The following MSRA variants were observed in gnomAD, a reference collection of about 807,000 sequenced individuals.
MSRA encodes the protein methionine sulfoxide reductase A, also known as mitochondrial peptide methionine sulfoxide reductase.
Under a neutral mutation model 31.3 loss-of-function variants are expected in MSRA, and 54 were observed. The ratio of observed to expected loss-of-function variants is 1.73; its 90% confidence interval spans 1.39 to 2.17. MSRA has a LOEUF of 2.17. Among genes scored for constraint, MSRA ranks in the 30% most tolerant of loss-of-function variants. The probability of loss-of-function intolerance (pLI) is 0.00; values close to 1 mark genes in which losing one functional copy is unlikely to be tolerated. For missense variants in MSRA, 507 were observed against 300.9 expected (o/e 1.69, Z -5.07); for synonymous variants, 169 against 116.5 (o/e 1.45, Z -2.90).
chr8:10,363,927 TAACAACAA>T (rs752408859), intron 5 of MSRA, among the ~76,000 whole-genome samples: 10 of 152,048 alleles, frequency 6.6e-5, no homozygotes, highest in African/African-American at 9.7e-5. Context: ...TAAGACCCTG[TAACAACAA>T]AACAACAAAA....
At chr8:10,183,949 G>T (rs1358381275) in intron 1 of MSRA, among the ~76,000 whole-genome samples, 3 of 144,612 alleles carry the variant, frequency 2.1e-5, no homozygotes, top group African/African-American at 7.8e-5. Context: ...GCTGCTGCTG[G>T]TGGTATTGGT....
In MSRA at chr8:10,074,058, C is replaced by CTTTTTTTTTTT. The variant is rs534642712; in HGVS notation, c.142+19430_142+19440dup. 1.9e-3 allele frequency among the ~76,000 whole-genome samples: 55 copies of CTTTTTTTTTTT among 29,450 alleles called. 6 individuals are homozygous for CTTTTTTTTTTT. Among genetic ancestry groups the CTTTTTTTTTTT allele is most frequent in the East Asian group, 5.1e-3 (3 of 588 alleles). The allele number at this position is 29,450 out of a possible 152,430, so 19.3% of individuals were successfully genotyped here. The stretch of plus-strand genomic sequence containing the variant: ...CATTTTGTTTTGTCTAAGGGAGGTG[C>CTTTTTTTTTTT]TTTTTTTTTTTTTTTTTTTTTTTTT... On this transcript the variant is annotated intron_variant, in intron 1 of 5. Coordinates refer to ENST00000317173, the MANE Select transcript of MSRA (RefSeq NM_012331.5).
intron 5 of MSRA, among the ~76,000 whole-genome samples, chr8:10,346,959 T>C (rs561412186): frequency 6.6e-6 from 1 of 152,316 alleles, no homozygotes; most frequent in African/African-American, 2.4e-5. Context: ...CTTCAGCCTC[T>C]CACCATTCCC....
chr8:10,094,707 G>C (rs1487051053), intron 1 of MSRA, among the ~76,000 whole-genome samples: 3 of 152,286 alleles, frequency 2.0e-5, no homozygotes, highest in Non-Finnish European at 4.4e-5. Flanking sequence ...TCTTAAACCA[G>C]GTAAGTGTGT....
Position 10,428,592 on chromosome 8 carries a change from T to G in MSRA, c.*280T>G. 1 of 385,586 alleles carries G rather than the reference T, an allele frequency of 2.6e-6. No individual in the cohort carries two copies. The highest frequency in any genetic ancestry group is 4.7e-6 in the Non-Finnish European group (1 of 212,490). The allele number at this position is 385,586 out of a possible 1,614,324, so 23.9% of individuals were successfully genotyped here. A position where few individuals can be genotyped will look rare whatever the true frequency, so the allele number is the denominator to read the frequency against. On this transcript the variant is annotated 3_prime_UTR_variant, in exon 6 of 6. Transcript: ENST00000317173. Reference sequence around the variant, plus strand: ...GCAGGGATGCTGTGTTCACCCTTCTTGGTAGAAGCTAAGGTGTGAGCTGGG... The same window carrying G: ...GCAGGGATGCTGTGTTCACCCTTCTGGGTAGAAGCTAAGGTGTGAGCTGGG...
At chr8:10,326,036 C>T (rs1243235589) in intron 5 of MSRA, among the ~76,000 whole-genome samples, 3 of 152,184 alleles carry the variant, frequency 2.0e-5, no homozygotes, top group Non-Finnish European at 4.4e-5. Context: ...CACTGCTTTC[C>T]TCTTCAGAAG....
intron 2 of MSRA, among the ~76,000 whole-genome samples, chr8:10,211,585 CCCCT>C (rs1809499655): frequency 6.6e-6 from 1 of 152,096 alleles, no homozygotes; most frequent in Non-Finnish European, 1.5e-5. Context: ...CTGTGAGTGC[CCCCT>C]TGGCTCTCAC....
intron 5 of MSRA, among the ~76,000 whole-genome samples, chr8:10,384,661 G>C (rs1049454203): frequency 6.6e-6 from 1 of 152,226 alleles, no homozygotes; most frequent in African/African-American, 2.4e-5. Context: ...GCTGAGAACT[G>C]TTGCACTAGC....
At chr8:10,177,622 T>G (rs1370933799) in intron 1 of MSRA, among the ~76,000 whole-genome samples, 1 of 152,240 alleles carries the variant, frequency 6.6e-6, no homozygotes, top group Non-Finnish European at 1.5e-5. Flanking sequence ...ATTTGCTACA[T>G]GTTTTGGTGA....
At chr8:10,240,643 C>A (rs940692891) in intron 2 of MSRA, among the ~76,000 whole-genome samples, 4 of 152,176 alleles carry the variant, frequency 2.6e-5, no homozygotes, top group Non-Finnish European at 5.9e-5. Context: ...GCAGCCAAGC[C>A]ACTTGCTGCT....
At chr8:10,291,989 A>G (rs747199071) in intron 3 of MSRA, among the ~76,000 whole-genome samples, 3 of 152,216 alleles carry the variant, frequency 2.0e-5, no homozygotes, top group African/African-American at 7.2e-5. Flanking sequence ...AGCACCGTGC[A>G]TGGAGCTTAG....
chr8:10,333,151 G>C (rs1802804694), intron 5 of MSRA, among the ~76,000 whole-genome samples: 1 of 152,158 alleles, frequency 6.6e-6, no homozygotes, highest in African/African-American at 2.4e-5. Flanking sequence ...CCAACATAGG[G>C]TGATGTTTGA....
At chr8:10,255,048 A>T (rs76998613) in intron 3 of MSRA, among the ~76,000 whole-genome samples, 3 of 152,200 alleles carry the variant, frequency 2.0e-5, no homozygotes, top group African/African-American at 7.2e-5. Flanking sequence ...ACAGTGTGCA[A>T]GATGCTGTGA....
intron 1 of MSRA, among the ~76,000 whole-genome samples, chr8:10,157,677 T>C (rs1804271037): frequency 6.6e-6 from 1 of 151,814 alleles, no homozygotes; most frequent in Non-Finnish European, 1.5e-5. Flanking sequence ...AGAGTCAGAG[T>C]CAAATTTCCC....
At chr8:10,398,219 G>A (rs1352200671) in intron 5 of MSRA, among the ~76,000 whole-genome samples, 2 of 152,172 alleles carry the variant, frequency 1.3e-5, no homozygotes, top group Non-Finnish European at 2.9e-5. Flanking sequence ...ATTCCTCTTA[G>A]AAAATTCCTG....
intron 5 of MSRA, among the ~76,000 whole-genome samples, chr8:10,354,510 A>G (rs1330112274): frequency 6.6e-6 from 1 of 152,216 alleles, no homozygotes; most frequent in Non-Finnish European, 1.5e-5. Context: ...TACCTTTGCT[A>G]ATCATATTTT....
chr8:10,079,446 C>T (rs1177611539), intron 1 of MSRA, among the ~76,000 whole-genome samples: 2 of 152,154 alleles, frequency 1.3e-5, no homozygotes, highest in Non-Finnish European at 2.9e-5. Context: ...TGAGCCACCA[C>T]ACCCGACCAT....
chr8:10,106,312 G>A (rs926742496), intron 1 of MSRA, among the ~76,000 whole-genome samples: 3 of 152,170 alleles, frequency 2.0e-5, no homozygotes, highest in African/African-American at 4.8e-5. Flanking sequence ...CCTCCCTTCA[G>A]CATATAGGAA....
intron 3 of MSRA, among the ~76,000 whole-genome samples, chr8:10,287,356 T>G (rs1799990726): frequency 6.6e-6 from 1 of 152,198 alleles, no homozygotes; most frequent in Non-Finnish European, 1.5e-5. Context: ...ACAGACATCA[T>G]AATACATGGA....
Sources: gnomAD v4.1 joint callset for allele counts (sites outside exome capture counted in the v4.1 genomes callset) on GRCh38, gnomAD v4.1.1 for gene constraint, MANE v1.5 for transcripts, NCBI Gene and HGNC (gene_info 2026-07-23, HGNC 2026-07-21) for gene names.